The following ASXL1 variants were observed in gnomAD, a reference collection of about 807,000 sequenced individuals.
ASXL1 encodes the protein ASXL transcriptional regulator 1, also known as polycomb group protein ASXL1.
A neutral mutation model predicts 89.1 loss-of-function variants in ASXL1; 65 were observed. The observed-to-expected ratio is 0.73, with a 90% CI of 0.60 to 0.90. The LOEUF (loss-of-function observed/expected upper bound fraction) is 0.90. Ranked by LOEUF, ASXL1 falls within the 40% of genes least tolerant of loss-of-function variation. The probability of loss-of-function intolerance (pLI) is 0.00; values close to 1 mark genes in which losing one functional copy is unlikely to be tolerated. For synonymous variants in ASXL1, 739 were observed against 746.9 expected, an observed-to-expected ratio of 0.99 and a Z score of 0.17; for missense variants, 1,786 against 1,942.9, an observed-to-expected ratio of 0.92 and a Z score of 1.52.
chr20:32,423,223 AT>A (rs1262546761), intron 4 of ASXL1, among the ~76,000 whole-genome samples: 3 of 147,786 alleles, frequency 2.0e-5, no homozygotes, highest in Admixed American at 6.8e-5. Context: ...CAGGAGTTTG[AT>A]TTTTTTTTTT....
intron 1 of ASXL1, chr20:32,359,225 C>T (rs2048067608): frequency 1.0e-5 from 7 of 700,984 alleles, no homozygotes; most frequent in South Asian, 7.4e-5. Flanking sequence ...GGAAGCTCCT[C>T]CCTCGCTTCC....
chr20:32,432,679 G>A (rs1294425300), intron 10 of ASXL1: 13 of 586,766 alleles, frequency 2.2e-5, no homozygotes, highest in South Asian at 1.2e-4. Context: ...TTGCTTTTTC[G>A]ATCAAGGAGT....
intron 4 of ASXL1, chr20:32,372,025 A>T: frequency 1.9e-6 from 2 of 1,043,050 alleles, no homozygotes; most frequent in Non-Finnish European, 2.6e-6. Flanking sequence ...AAGGAAGGAT[A>T]ATTACTTTTT....
At chr20:32,368,275 T>TA (rs2122827760) in intron 3 of ASXL1, among the ~76,000 whole-genome samples, 1 of 152,348 alleles carries the variant, frequency 6.6e-6, no homozygotes, top group East Asian at 1.9e-4. Flanking sequence ...AAAGATTCAG[T>TA]AAGTAGCATC....
Position 32,435,273 on chromosome 20 carries a change from CT to C in ASXL1, c.2562del (p.Asp855IlefsTer12). 6.2e-7 allele frequency: 1 copy of C among 1,614,164 alleles called. No homozygotes were observed. The highest frequency in any genetic ancestry group is 8.5e-7 in the Non-Finnish European group (1 of 1,180,044). ...AGTTCCACACCTGAATCCTCACCGA[CT>C]GATTGCCTGCAGAACAGAGCATTTG... ...TPSSTPESSP[T>X]DCLQNRAFDD... On this transcript the variant is annotated frameshift_variant, in exon 13 of 13. Coordinates refer to ENST00000375687, the MANE Select transcript of ASXL1 (RefSeq NM_015338.6). LOFTEE classifies it low-confidence loss of function (END_TRUNC).
chr20:32,377,235 C>G (rs6119843), intron 4 of ASXL1, among the ~76,000 whole-genome samples: 2 of 146,916 alleles, frequency 1.4e-5, no homozygotes, highest in Non-Finnish European at 3.0e-5. Flanking sequence ...ATCCACCCAC[C>G]TTAGCCTCGC....
At position 32,429,587 on chromosome 20, in the gene ASXL1, A is replaced by G. The variant is rs1341646673; in HGVS notation, c.565+156A>G. The G allele has an allele frequency of 1.2e-6, 1 of 837,126 alleles. No individual in the cohort carries two copies. The highest frequency in any genetic ancestry group is 2.6e-5 in the East Asian group (1 of 37,794). The allele number at this position is 837,126 out of a possible 1,614,324, so 51.9% of individuals were successfully genotyped here. A position where few individuals can be genotyped will look rare whatever the true frequency, so the allele number is the denominator to read the frequency against. ...ATGGATGAGGCCTGCCATAGGTTCTAGTGCTGGGCTCTGCTGTGTGCCTTC... is the reference window on the plus strand; with the variant it reads ...ATGGATGAGGCCTGCCATAGGTTCTGGTGCTGGGCTCTGCTGTGTGCCTTC... On this transcript the variant is annotated intron_variant, in intron 7 of 12. Coordinates refer to ENST00000375687, the MANE Select transcript of ASXL1 (RefSeq NM_015338.6). The surrounding 1 kb of genome is among the most constrained non-coding windows in gnomAD (Gnocchi z 4.9).
intron 4 of ASXL1, among the ~76,000 whole-genome samples, chr20:32,400,643 G>GT (rs754761963): frequency 1.8e-4 from 28 of 152,182 alleles, no homozygotes; most frequent in Non-Finnish European, 3.4e-4. Context: ...TCAGTACTCA[G>GT]TGAGTACCTC....
At chr20:32,371,738 G>A (rs996322543) in intron 4 of ASXL1, 16 of 443,696 alleles carry the variant, frequency 3.6e-5, no homozygotes, top group African/African-American at 6.1e-5. Flanking sequence ...CCCGAGTAGC[G>A]TACACCATCA....
At chr20:32,420,326 G>C (rs1048811785) in intron 4 of ASXL1, among the ~76,000 whole-genome samples, 5 of 151,444 alleles carry the variant, frequency 3.3e-5, no homozygotes, top group Non-Finnish European at 7.4e-5. Context: ...CTGATATTTT[G>C]CTTTTTTTTT....
At chr20:32,359,818 C>T (rs746926182) in intron 1 of ASXL1, 5 of 717,692 alleles carry the variant, frequency 7.0e-6, no homozygotes, top group Non-Finnish European at 1.3e-5. Flanking sequence ...TTGGATTACT[C>T]CCACAAAGCT....
chr20:32,400,593 T>C (rs1168159619), intron 4 of ASXL1, among the ~76,000 whole-genome samples: 1 of 152,226 alleles, frequency 6.6e-6, no homozygotes, highest in Non-Finnish European at 1.5e-5. Context: ...CTCTCCTTGC[T>C]GCCCATGGTC....
rs2145362766 is a variant in ASXL1 at position 32,434,795 on chromosome 20, C to T, written c.2083C>T (p.Gln695Ter). The change falls in exon 13 of 13, where the codon CAA (glutamine) becomes TAA (stop). Residue 695 changes from glutamine to a stop codon, truncating the protein, a stop_gained. Coordinates refer to ENST00000375687, the MANE Select transcript of ASXL1 (RefSeq NM_015338.6). LOFTEE classifies it low-confidence loss of function (END_TRUNC). ...GKCTSDLQRT[Q>*]LLPPYPLNGE... Reference sequence around the variant, plus strand: ...GTGTACGTCAGATCTACAGCGAACACAACTACTGCCGCCTTATCCTCTAAA... The same window carrying T: ...GTGTACGTCAGATCTACAGCGAACATAACTACTGCCGCCTTATCCTCTAAA... 1.2e-6 allele frequency: 2 copies of T among 1,613,992 alleles called. No individual in the cohort carries two copies. The highest frequency in any genetic ancestry group is 1.7e-5 in the Admixed American group (1 of 60,030).
chr20:32,415,229 G>A (rs777019975), intron 4 of ASXL1, among the ~76,000 whole-genome samples: 1 of 151,942 alleles, frequency 6.6e-6, no homozygotes, highest in East Asian at 1.9e-4. Context: ...GGCTGGTCTC[G>A]AACTCCTGAC....
At chr20:32,365,465 G>GT (rs2122802152) in intron 1 of ASXL1, among the ~76,000 whole-genome samples, 1 of 152,238 alleles carries the variant, frequency 6.6e-6, no homozygotes, top group African/African-American at 2.4e-5. Context: ...CAGCAGCATC[G>GT]TATCAGACTT....
Position 32,436,257 on chromosome 20 carries a change from G to A in ASXL1, c.3545G>A (p.Cys1182Tyr). ...AAGGAGCCTCTTCTGCCAGATAGCT[G>A]TGAAACAGGCACTGGTCTTGCCAGG... is the stretch of plus-strand genomic sequence containing the variant. The part of the protein sequence containing the change: ...ALKEPLLPDS[C>Y]ETGTGLARIE... Residue 1182 changes from cysteine (C) to tyrosine (Y), a missense_variant, in exon 13 of 13, where the codon TGT becomes TAT. Cys to Tyr is a radical substitution (Grantham distance 194). Coordinates refer to ENST00000375687, the MANE Select transcript of ASXL1 (RefSeq NM_015338.6). The A allele has an allele frequency of 1.9e-6, 3 of 1,614,216 alleles. No homozygotes were observed. The highest frequency in any genetic ancestry group is 1.7e-6 in the Non-Finnish European group (2 of 1,180,042).
chr20:32,382,388 A>G (rs1408300020), intron 4 of ASXL1, among the ~76,000 whole-genome samples: 2 of 152,108 alleles, frequency 1.3e-5, no homozygotes, highest in Non-Finnish European at 2.9e-5. Flanking sequence ...TGCTGAAGGA[A>G]AAAACTGAAC....
chr20:32,378,579 T>G (rs372100645), intron 4 of ASXL1, among the ~76,000 whole-genome samples: 2 of 152,196 alleles, frequency 1.3e-5, no homozygotes, highest in African/African-American at 4.8e-5. Context: ...AAGCTTTTCC[T>G]AAAGTCATGT....
chr20:32,387,616 C>T (rs988415998), intron 4 of ASXL1, among the ~76,000 whole-genome samples: 2 of 152,208 alleles, frequency 1.3e-5, no homozygotes, highest in Non-Finnish European at 2.9e-5. Flanking sequence ...CTGGTTTAAG[C>T]TCTTAGCCTG....
Sources: allele counts gnomAD v4.1 joint callset (sites outside exome capture counted in the v4.1 genomes callset), GRCh38; gene constraint gnomAD v4.1.1; non-coding constraint Gnocchi (gnomAD v3.1); transcripts MANE v1.5; gene names NCBI Gene and HGNC (gene_info 2026-07-23, HGNC 2026-07-21).